CDK19: variants seen among roughly 807,000 people sequenced by gnomAD.
The protein encoded by CDK19 is cyclin-dependent kinase 19.
CDK19 carries 20 observed loss-of-function variants against 68.3 expected under a neutral mutation model. The observed-to-expected ratio is 0.29, with a 90% confidence interval of 0.21 to 0.43. The LOEUF is 0.43. Among genes scored for constraint, CDK19 ranks in the 20% least tolerant of loss-of-function variants. The probability of loss-of-function intolerance (pLI) is 1.00; values close to 1 mark genes in which losing one functional copy is unlikely to be tolerated. For synonymous variants in CDK19, 221 were observed against 222.8 expected (o/e 0.99, Z 0.07); for missense variants, 339 against 623.5 (o/e 0.54, Z 4.86).
intron 2 of CDK19, among the ~76,000 whole-genome samples, chr6:110,715,631 C>T (rs1362000280): frequency 4.6e-5 from 7 of 152,112 alleles, no homozygotes; most frequent in South Asian, 2.1e-4. Flanking sequence ...GAGATACAGG[C>T]GTGCGCCACA....
chr6:110,643,308 C>T (rs759241499), intron 4 of CDK19: 1 of 685,322 alleles, frequency 1.5e-6, no homozygotes, highest in Non-Finnish European at 2.2e-6. Context: ...AAGGTAAGAA[C>T]CATAAAAGCT....
In CDK19 at chr6:110,646,205, C is replaced by T. The variant is rs1780560541; in HGVS notation, c.457-7499G>A. The T allele has an allele frequency of 3.6e-6, 5 of 1,388,920 alleles. No homozygotes were observed. In the South Asian group the frequency reaches 4.1e-5, roughly 11 times the overall value. 86.0% of individuals were successfully genotyped at this position (1,388,920 alleles called of 1,614,324 possible). A position where few individuals can be genotyped will look rare whatever the true frequency, so the allele number is the denominator to read the frequency against. ...GCCTGTTCCTCCGCATCCTCAGCAA[C>T]TCGTCGGGGTCCGACGCGCAGGAGC... On this transcript the variant is annotated intron_variant, in intron 4 of 12. Transcript: ENST00000368911.
At chr6:110,619,538 G>A (rs1379900042) in intron 12 of CDK19, among the ~76,000 whole-genome samples, 3 of 151,530 alleles carry the variant, frequency 2.0e-5, no homozygotes, top group Non-Finnish European at 2.9e-5. Flanking sequence ...TGCTTGACTA[G>A]GCCTGACCTT....
intron 1 of CDK19, among the ~76,000 whole-genome samples, chr6:110,765,373 C>T (rs1779503667): frequency 7.0e-6 from 1 of 143,136 alleles, no homozygotes; most frequent in African/African-American, 2.6e-5. Context: ...AGTGAGAATC[C>T]ATATCAACGA....
Position 110,809,530 on chromosome 6 carries a change from G to T in CDK19, c.128+5479C>A, listed in dbSNP as rs565279096. 3.9e-5 allele frequency among the ~76,000 whole-genome samples: 6 copies of T among 152,098 alleles called. No individual in the cohort carries two copies. The South Asian group carries it at 1.0e-3, about 26-fold the overall frequency. On this transcript the variant is annotated intron_variant, in intron 1 of 12. Transcript: ENST00000368911. ...TGAGACAGTCTCAAGTGAAAAAAATGAAAAAAGAAATTTATCAACTGTTTG... is the reference window on the plus strand; with the variant it reads ...TGAGACAGTCTCAAGTGAAAAAAATTAAAAAAGAAATTTATCAACTGTTTG...
At position 110,614,642 on chromosome 6, in the gene CDK19, G is replaced by A; in HGVS notation, c.1402C>T (p.Gln468Ter). Reference sequence around the variant, plus strand: ...TGAGAGGATCCCTGAACGCTGCTTTGGTAATTCAGGCGAGAACTGGAGTGC... The same window carrying A: ...TGAGAGGATCCCTGAACGCTGCTTTAGTAATTCAGGCGAGAACTGGAGTGC... Reference protein sequence around the residue: ...YQHSSSRLNYQSSVQGSSQSQ... With the variant: ...YQHSSSRLNY The change falls in exon 13 of 13, where the codon CAA (glutamine) becomes TAA (stop). Residue 468 changes from glutamine to a stop codon, truncating the protein, a stop_gained. Transcript: ENST00000368911. LOFTEE classifies it high-confidence loss of function. The A allele has an allele frequency of 6.2e-7, 1 of 1,613,934 alleles. No individual in the cohort carries two copies. Among genetic ancestry groups the A allele is most frequent in the African/African-American group, 1.3e-5 (1 of 74,988 alleles).
intron 1 of CDK19, among the ~76,000 whole-genome samples, chr6:110,780,608 T>G (rs1371498335): frequency 2.6e-5 from 4 of 152,092 alleles, no homozygotes; most frequent in Non-Finnish European, 5.9e-5. Context: ...TCAGTACGGT[T>G]GTTCAGCTGT....
chr6:110,624,299 C>G (rs1260168477), intron 8 of CDK19, among the ~76,000 whole-genome samples: 2 of 151,838 alleles, frequency 1.3e-5, no homozygotes, highest in African/African-American at 4.8e-5. Flanking sequence ...GTTCTAATTC[C>G]TAGGTTCAGA....
chr6:110,689,433 C>T (rs1398803177), intron 2 of CDK19, among the ~76,000 whole-genome samples: 1 of 152,164 alleles, frequency 6.6e-6, no homozygotes, highest in African/African-American at 2.4e-5. Flanking sequence ...AAAATCCCAC[C>T]ACTACTACCA....
intron 1 of CDK19, among the ~76,000 whole-genome samples, chr6:110,785,358 C>T (rs1018142716): frequency 2.6e-5 from 4 of 152,156 alleles, no homozygotes; most frequent in Admixed American, 1.3e-4. Flanking sequence ...AACTTAACTA[C>T]TCATAGCCTA....
chr6:110,706,397 C>T (rs1405004149), intron 2 of CDK19: 1 of 133,412 alleles, frequency 7.5e-6, no homozygotes, highest in African/African-American at 2.7e-5. Flanking sequence ...TGCTGGGTAA[C>T]ACTGTTGTTT....
chr6:110,624,667 A>T (rs1398733192), intron 8 of CDK19, among the ~76,000 whole-genome samples: 1 of 152,218 alleles, frequency 6.6e-6, no homozygotes, highest in Admixed American at 6.5e-5. Flanking sequence ...TGTTCCATAA[A>T]CATTTTCTTT....
chr6:110,782,836 T>C (rs1780918016), intron 1 of CDK19, among the ~76,000 whole-genome samples: 1 of 152,164 alleles, frequency 6.6e-6, no homozygotes, highest in Non-Finnish European at 1.5e-5. Context: ...ACCTCCATCC[T>C]GAGTATTTGC....
intron 12 of CDK19, among the ~76,000 whole-genome samples, chr6:110,616,666 C>T (rs1778330640): frequency 6.8e-6 from 1 of 147,870 alleles, no homozygotes; most frequent in Non-Finnish European, 1.5e-5. Context: ...GAGACTCCAT[C>T]TCAAAAAAAA....
At chr6:110,616,124 C>T (rs1289915608) in intron 12 of CDK19, among the ~76,000 whole-genome samples, 1 of 152,162 alleles carries the variant, frequency 6.6e-6, no homozygotes, top group Non-Finnish European at 1.5e-5. Context: ...ATTTAGCTGG[C>T]CCTATGTGTA....
At chr6:110,639,914 C>T (rs572003893) in intron 4 of CDK19, among the ~76,000 whole-genome samples, 23 of 152,200 alleles carry the variant, frequency 1.5e-4, no homozygotes, top group African/African-American at 4.8e-4. Context: ...ATGCATAAGA[C>T]GCAGAAGTCT....
chr6:110,779,766 A>T (rs979662121), intron 1 of CDK19, among the ~76,000 whole-genome samples: 32 of 151,866 alleles, frequency 2.1e-4, no homozygotes, highest in Non-Finnish European at 4.4e-4. Context: ...AAATAAATAA[A>T]TTTTTTAAAA....
intron 2 of CDK19, among the ~76,000 whole-genome samples, chr6:110,738,372 T>C (rs919741975): frequency 2.7e-5 from 4 of 150,290 alleles, no homozygotes; most frequent in African/African-American, 9.7e-5. Context: ...AAAAAAAAAT[T>C]AGCCAGGGAT....
At chr6:110,773,169 A>T (rs542681742) in intron 1 of CDK19, among the ~76,000 whole-genome samples, 1 of 152,104 alleles carries the variant, frequency 6.6e-6, no homozygotes, top group South Asian at 2.1e-4. Context: ...ACATGGTGAA[A>T]CCCCATCTCT....
Sources: gnomAD v4.1 joint callset for allele counts (sites outside exome capture counted in the v4.1 genomes callset) on GRCh38, gnomAD v4.1.1 for gene constraint, MANE v1.5 for transcripts, NCBI Gene and HGNC (gene_info 2026-07-23, HGNC 2026-07-21) for gene names.